The following PCDHA9 variants were observed in gnomAD, a reference collection of about 807,000 sequenced individuals.
PCDHA9 encodes the protein protocadherin alpha-9.
PCDHA9 carries 62 observed loss-of-function variants against 62.0 expected under a neutral mutation model. The ratio of observed to expected loss-of-function variants is 1.00; its 90% CI spans 0.81 to 1.23. The LOEUF is 1.23. PCDHA9 is among the 50% of genes most tolerant of loss of function. The pLI, the probability that PCDHA9 is intolerant of heterozygous loss-of-function variation, is 0.00. For missense variants in PCDHA9, 1,205 were observed against 1,249.8 expected, an observed-to-expected ratio of 0.96 and a Z score of 0.54; for synonymous variants, 557 against 567.6, an observed-to-expected ratio of 0.98 and a Z score of 0.27.
At position 140,982,527 on chromosome 5, in the gene PCDHA9, G is replaced by A. The variant is rs2096986081; in HGVS notation, c.2506G>A (p.Asp836Asn). ...TCTACGGGCTGGTCCAGGAGGGCCT[G>A]ATCAGCAGTGGCCAACAGTATCCAG... is the stretch of plus-strand genomic sequence containing the variant. ...GILRAGPGGP[D>N]QQWPTVSSAT... is the part of the protein sequence containing the mutation. Residue 836 changes from aspartate to asparagine, a missense_variant, in exon 3 of 4, where the codon GAT becomes AAT. By Grantham distance (23) the Asp-to-Asn change is conservative. This residue lies in a region of PCDHA9 where 887 missense variants were observed against 809.5 expected (regional missense o/e 1.10). Coordinates refer to ENST00000532602, the MANE Select transcript of PCDHA9 (RefSeq NM_031857.2). 1 of 1,614,218 alleles carries A rather than the reference G, an allele frequency of 6.2e-7. No individual in the cohort carries two copies. Among genetic ancestry groups the A allele is most frequent in the Admixed American group, 1.7e-5 (1 of 60,034 alleles).
intron 3 of PCDHA9, among the ~76,000 whole-genome samples, chr5:140,999,830 T>C (rs146250053): frequency 2.0e-5 from 3 of 152,238 alleles, no homozygotes; most frequent in Non-Finnish European, 4.4e-5. Context: ...GCTTTAAAAA[T>C]ATGCCAAGTG....
At chr5:140,857,146 C>T (rs1554149571) in intron 1 of PCDHA9, 3 of 1,598,132 alleles carry the variant, frequency 1.9e-6, no homozygotes, top group East Asian at 2.2e-5. Flanking sequence ...AAGTGGGCAC[C>T]GTCATTGCCC....
chr5:140,855,986 G>A (rs191873949), intron 1 of PCDHA9: 1 of 1,477,690 alleles, frequency 6.8e-7, no homozygotes, highest in Non-Finnish European at 9.1e-7. Context: ...GACAGAAAAT[G>A]TCAGATCGTA....
chr5:140,873,621 T>C (rs1282269984), intron 1 of PCDHA9, among the ~76,000 whole-genome samples: 2 of 152,186 alleles, frequency 1.3e-5, no homozygotes, highest in African/African-American at 4.8e-5. Flanking sequence ...TAACAATTTG[T>C]TTAGGTCAAA....
chr5:140,859,141 A>T (rs1275943443), intron 1 of PCDHA9: 1 of 150,200 alleles, frequency 6.7e-6, no homozygotes, highest in African/African-American at 2.4e-5. Context: ...ACATAATTTT[A>T]TCCAGTAGCT....
At chr5:140,876,861 C>T (rs2056651575) in intron 1 of PCDHA9, 6 of 1,613,970 alleles carry the variant, frequency 3.7e-6, no homozygotes, top group African/African-American at 1.3e-5. Context: ...ACACAGTGTT[C>T]GTGAAGGAGA....
intron 1 of PCDHA9, among the ~76,000 whole-genome samples, chr5:140,970,659 T>C (rs1243959173): frequency 4.6e-5 from 7 of 152,238 alleles, no homozygotes; most frequent in Non-Finnish European, 2.9e-5. Context: ...AATTGTTATC[T>C]TTCCAAATAA....
chr5:140,951,762 A>G (rs2094630710), intron 1 of PCDHA9, among the ~76,000 whole-genome samples: 1 of 152,090 alleles, frequency 6.6e-6, no homozygotes, highest in Non-Finnish European at 1.5e-5. Flanking sequence ...GCGAAATCTC[A>G]TGACGTTCTT....
chr5:140,969,400 T>C (rs782765994), intron 1 of PCDHA9: 2 of 1,580,682 alleles, frequency 1.3e-6, no homozygotes, highest in South Asian at 2.3e-5. Flanking sequence ...TATCCTGTGA[T>C]TTGGCTTTAT....
Position 140,849,699 on chromosome 5 carries a change from A to G in PCDHA9, c.1204A>G (p.Lys402Glu). ...HVPFKLVSTYKNYYSLVLDRA... is the reference protein window; with the variant it reads ...HVPFKLVSTYENYYSLVLDRA... ...CCCCTTCAAGCTGGTGTCCACCTAC[A>G]AGAATTACTACTCGTTGGTGCTGGA... Residue 402 changes from lysine (K) to glutamate (E), a missense_variant, in exon 1 of 4, where the codon AAG (lysine) becomes GAG (glutamate). Coordinates refer to ENST00000532602, the MANE Select transcript of PCDHA9 (RefSeq NM_031857.2). 1 of 1,598,608 alleles carries G rather than the reference A, an allele frequency of 6.3e-7. No homozygotes were observed. The highest frequency in any genetic ancestry group is 8.6e-7 in the Non-Finnish European group (1 of 1,167,972).
chr5:140,957,614 T>C (rs1208546101), intron 1 of PCDHA9, among the ~76,000 whole-genome samples: 6 of 152,134 alleles, frequency 3.9e-5, no homozygotes, highest in African/African-American at 1.4e-4. Flanking sequence ...CACAGACATA[T>C]ACATGCACAC....
intron 1 of PCDHA9, chr5:140,930,059 A>G (rs1486359495): frequency 6.6e-6 from 1 of 152,200 alleles, no homozygotes; most frequent in Non-Finnish European, 1.5e-5. Flanking sequence ...TTGCTTACAC[A>G]AAAACTGTAA....
intron 1 of PCDHA9, among the ~76,000 whole-genome samples, chr5:140,948,880 C>G (rs1430288840): frequency 6.6e-6 from 1 of 151,410 alleles, no homozygotes; most frequent in Non-Finnish European, 1.5e-5. Flanking sequence ...TTACTTTGCT[C>G]TCTTTTAGAT....
At chr5:140,965,237 G>A (rs2095882583) in intron 1 of PCDHA9, among the ~76,000 whole-genome samples, 1 of 152,204 alleles carries the variant, frequency 6.6e-6, no homozygotes, top group African/African-American at 2.4e-5. Context: ...AACCTGGGAA[G>A]AGTGAATATT....
chr5:140,870,879 G>A (rs1554164779), intron 1 of PCDHA9: 1 of 1,613,952 alleles, frequency 6.2e-7, no homozygotes, highest in East Asian at 2.2e-5. Flanking sequence ...TGGTGGCGAA[G>A]GTGCGCGCAG....
At chr5:140,998,380 A>G (rs921989792) in intron 3 of PCDHA9, among the ~76,000 whole-genome samples, 2 of 152,188 alleles carry the variant, frequency 1.3e-5, no homozygotes, top group African/African-American at 4.8e-5. Context: ...GTCTCTAGAA[A>G]GTTTAATGCC....
At chr5:140,857,293 G>A (rs1554149807) in intron 1 of PCDHA9, 1 of 1,598,774 alleles carries the variant, frequency 6.3e-7, no homozygotes, top group Admixed American at 1.7e-5. Flanking sequence ...TGGACCGCGA[G>A]AGGGTGTCGG....
At chr5:140,883,106 T>C (rs782515785) in intron 1 of PCDHA9, 3 of 1,614,124 alleles carry the variant, frequency 1.9e-6, no homozygotes, top group Non-Finnish European at 2.5e-6. Context: ...TATAGTTTAC[T>C]CATTTAGAAG....
At chr5:140,937,329 G>T (rs1406340473) in intron 1 of PCDHA9, among the ~76,000 whole-genome samples, 1 of 152,050 alleles carries the variant, frequency 6.6e-6, no homozygotes, top group Admixed American at 6.5e-5. Flanking sequence ...GAGCCACCGC[G>T]CCCGGCTTCT....
Sources: gnomAD v4.1 joint callset for allele counts (sites outside exome capture counted in the v4.1 genomes callset) on GRCh38, gnomAD v4.1.1 for gene constraint, gnomAD v4.1.1 regional missense constraint, MANE v1.5 for transcripts, NCBI Gene and HGNC (gene_info 2026-07-23, HGNC 2026-07-21) for gene names.